TMEM132D: variants seen among roughly 807,000 people sequenced by gnomAD.
The protein encoded by TMEM132D is transmembrane protein 132D.
TMEM132D carries 21 observed loss-of-function variants against 62.3 expected under a neutral mutation model. The ratio of observed to expected loss-of-function variants is 0.34; its 90% CI spans 0.24 to 0.49. The LOEUF (loss-of-function observed/expected upper bound fraction) is 0.49. Among genes scored for constraint, TMEM132D ranks in the 20% least tolerant of loss-of-function variants. TMEM132D has a pLI of 0.99. For missense variants in TMEM132D, 1,346 were observed against 1,402.8 expected (o/e 0.96, Z 0.65); for synonymous variants, 621 against 575.6 (o/e 1.08, Z -1.13).
At chr12:129,294,350 A>G (rs1289037983) in intron 4 of TMEM132D, among the ~76,000 whole-genome samples, 1 of 152,208 alleles carries the variant, frequency 6.6e-6, no homozygotes, top group Non-Finnish European at 1.5e-5. Context: ...TAATAAAATC[A>G]TCAATTGCCT....
At chr12:129,711,667 G>A (rs943348269) in intron 1 of TMEM132D, among the ~76,000 whole-genome samples, 1 of 149,120 alleles carries the variant, frequency 6.7e-6, no homozygotes, top group Non-Finnish European at 1.5e-5. Context: ...GTGGAGGTTG[G>A]AGTGAGCCGA....
intron 2 of TMEM132D, among the ~76,000 whole-genome samples, chr12:129,608,831 G>C (rs1313368028): frequency 6.6e-6 from 1 of 152,078 alleles, no homozygotes; most frequent in Non-Finnish European, 1.5e-5. Flanking sequence ...GGTTCTCAAA[G>C]TTCACTCGCA....
intron 3 of TMEM132D, among the ~76,000 whole-genome samples, chr12:129,528,745 T>C (rs906649867): frequency 3.9e-5 from 6 of 152,242 alleles, no homozygotes; most frequent in East Asian, 1.9e-4. Flanking sequence ...TAGAACAAAT[T>C]ATCAAATTGA....
rs2137097804 is a variant in TMEM132D at position 129,541,196 on chromosome 12, T to C, written c.969-9991A>G. 1.3e-5 allele frequency among the ~76,000 whole-genome samples: 2 copies of C among 152,220 alleles called. 1 individual carries two copies. The highest frequency in any genetic ancestry group is 4.2e-4 in the South Asian group (2 of 4,812). On this transcript the variant is annotated intron_variant, in intron 2 of 8. Transcript: ENST00000422113. ...TATTACTCATGTTTCTGAAAAACCA[T>C]AAAGCCAGCAAGGAACACACGCAGG...
At chr12:129,386,591 C>CT (rs1181676880) in intron 3 of TMEM132D, among the ~76,000 whole-genome samples, 1 of 151,864 alleles carries the variant, frequency 6.6e-6, no homozygotes, top group Admixed American at 6.6e-5. Flanking sequence ...AATGCCAACA[C>CT]TATCACTAAC....
chr12:129,565,090 A>G (rs61463504), intron 2 of TMEM132D, among the ~76,000 whole-genome samples: 5,471 of 152,282 alleles, frequency 0.036, 347 homozygotes, highest in African/African-American at 0.12. Context: ...GGAAATTCCT[A>G]AGAGACACAC....
intron 4 of TMEM132D, among the ~76,000 whole-genome samples, chr12:129,210,663 C>T (rs1176610802): frequency 6.6e-6 from 1 of 152,198 alleles, no homozygotes; most frequent in African/African-American, 2.4e-5. Flanking sequence ...CTCTTCCAGA[C>T]TCTAAGCTCC....
chr12:129,538,358 C>T (rs1876465649), intron 2 of TMEM132D, among the ~76,000 whole-genome samples: 1 of 152,184 alleles, frequency 6.6e-6, no homozygotes, highest in Non-Finnish European at 1.5e-5. Flanking sequence ...CAACTTGTGA[C>T]TGGCTAACCC....
At position 129,867,915 on chromosome 12, in the gene TMEM132D, A is replaced by G. The variant is rs1486917599; in HGVS notation, c.79+35346T>C. ...GGGCAATGGAAATGTCTGTGTCTCT[A>G]CTAAGACAGCGTTTCTATGGTACAC... On this transcript the variant is annotated intron_variant, in intron 1 of 8. Transcript: ENST00000422113. This position sits in a 1 kb window ranked among gnomAD's most constrained non-coding sequence, Gnocchi z 4.5. Among the ~76,000 whole-genome samples, 6 of 152,352 alleles carry G rather than the reference A, an allele frequency of 3.9e-5. No homozygotes were observed. Among genetic ancestry groups the G allele is most frequent in the Non-Finnish European group, 5.9e-5 (4 of 68,034 alleles).
chr12:129,180,915 A>C (rs2135550982), intron 5 of TMEM132D, among the ~76,000 whole-genome samples: 1 of 152,214 alleles, frequency 6.6e-6, no homozygotes, highest in African/African-American at 2.4e-5. Context: ...AGAGGAGTCT[A>C]GAATGTTTTC....
At chr12:129,749,621 T>TC (rs1869932485) in intron 1 of TMEM132D, among the ~76,000 whole-genome samples, 1 of 88,170 alleles carries the variant, frequency 1.1e-5, no homozygotes, top group Admixed American at 1.2e-4. Flanking sequence ...CATGCCCCAC[T>TC]AATTTTTTTT....
chr12:129,350,477 T>G (rs900830168), intron 3 of TMEM132D, among the ~76,000 whole-genome samples: 7 of 152,170 alleles, frequency 4.6e-5, no homozygotes, highest in Non-Finnish European at 8.8e-5. Flanking sequence ...AAGAGACAGA[T>G]CCCGTTTATT....
At chr12:129,349,929 T>C (rs1807128537) in intron 3 of TMEM132D, among the ~76,000 whole-genome samples, 1 of 152,174 alleles carries the variant, frequency 6.6e-6, no homozygotes, top group Non-Finnish European at 1.5e-5. Context: ...AGTACCACCT[T>C]CACTTGGCAT....
In TMEM132D at chr12:129,084,479, T is replaced by C. The variant is rs2135619360; in HGVS notation, c.1649+18A>G. On this transcript the variant is annotated intron_variant, in intron 6 of 8. Coordinates refer to ENST00000422113, the MANE Select transcript of TMEM132D (RefSeq NM_133448.3). The stretch of plus-strand genomic sequence containing the variant: ...ACTTCCTCCTTAGCCTGCCATGGAG[T>C]TTCAGGGACATACCCACCTCCTGCT... The C allele has an allele frequency of 5.1e-6, 8 of 1,571,990 alleles. No individual in the cohort carries two copies. The highest frequency in any genetic ancestry group is 6.0e-6 in the Non-Finnish European group (7 of 1,159,762).
intron 3 of TMEM132D, among the ~76,000 whole-genome samples, chr12:129,359,708 A>T (rs1870184208): frequency 6.6e-6 from 1 of 152,214 alleles, no homozygotes; most frequent in Non-Finnish European, 1.5e-5. Context: ...ATTTACTTCA[A>T]TATGAAATGC....
intron 1 of TMEM132D, among the ~76,000 whole-genome samples, chr12:129,734,034 G>C (rs1033383700): frequency 1.3e-5 from 2 of 152,170 alleles, no homozygotes; most frequent in African/African-American, 4.8e-5. Context: ...CTGCAATCCA[G>C]TATCAGAGAA....
At chr12:129,079,579 T>A (rs968843400) in intron 7 of TMEM132D, among the ~76,000 whole-genome samples, 1 of 152,220 alleles carries the variant, frequency 6.6e-6, no homozygotes, top group Non-Finnish European at 1.5e-5. Context: ...CTAGAAGAGA[T>A]GGGCTTCATC....
At chr12:129,598,111 T>C (rs1215294770) in intron 2 of TMEM132D, among the ~76,000 whole-genome samples, 1 of 152,182 alleles carries the variant, frequency 6.6e-6, no homozygotes, top group African/African-American at 2.4e-5. Flanking sequence ...TTGTACACAT[T>C]TGGAAGGTGT....
chr12:129,081,622 AC>A lies in TMEM132D; in HGVS notation c.1923+136del, dbSNP rs1874448380. On this transcript the variant is annotated intron_variant, in intron 7 of 8. Transcript: ENST00000422113. ...CAAAATCGCTTGTATTGCTTACTCC[AC>A]AATTTCTTTGAATTTACCCATCCTA... The A allele has an allele frequency of 5.4e-6, 7 of 1,306,434 alleles. No homozygotes were observed. The South Asian group carries it at 1.1e-4, about 20-fold the overall frequency. The allele number at this position is 1,306,434 out of a possible 1,614,324, so 80.9% of individuals were successfully genotyped here.
Sources: gnomAD v4.1 joint callset for allele counts (sites outside exome capture counted in the v4.1 genomes callset) on GRCh38, gnomAD v4.1.1 for gene constraint, Gnocchi (gnomAD v3.1) non-coding constraint, MANE v1.5 for transcripts, NCBI Gene and HGNC (gene_info 2026-07-23, HGNC 2026-07-21) for gene names.